LARGE2: variants seen among roughly 807,000 people sequenced by gnomAD.
LARGE2 encodes xylosyl- and glucuronyltransferase LARGE2.
A neutral mutation model predicts 75.3 loss-of-function variants in LARGE2; 63 were observed. That is an observed-to-expected ratio of 0.84 (90% CI 0.68 to 1.03). LARGE2 has a LOEUF of 1.03. LARGE2 is among the 50% of genes least tolerant of loss of function. The probability of loss-of-function intolerance (pLI) is 0.00; values close to 1 mark genes in which losing one functional copy is unlikely to be tolerated. For missense variants in LARGE2, 925 were observed against 980.6 expected, an observed-to-expected ratio of 0.94 and a Z score of 0.76; for synonymous variants, 428 against 420.1, an observed-to-expected ratio of 1.02 and a Z score of -0.23.
intron 10 of LARGE2, 126 bp downstream of exon 10, chr11:45,926,997 A>T: frequency 1.9e-6 from 2 of 1,044,066 alleles, no homozygotes; most frequent in Non-Finnish European, 2.7e-6. Context: ...GAGTTCCAGA[A>T]GTTGGAGACA....
At chr11:45,924,084 C>G (rs773144196) in intron 3 of LARGE2, 70 bp from the exon 4 acceptor site, 2 of 1,569,996 alleles carry the variant, frequency 1.3e-6, no homozygotes, top group East Asian at 4.6e-5. Context: ...CTCTGCGCCC[C>G]TCGGGGTGGG....
At position 45,927,762 on chromosome 11, in the gene LARGE2, G is replaced by A. The variant is rs781638923; in HGVS notation, c.1605-158G>A. On this transcript the variant is annotated intron_variant, in intron 11 of 13. Coordinates refer to ENST00000401752, the MANE Select transcript of LARGE2 (RefSeq NM_001300721.2). ...GGCTGTCAACAGGGAGGCCAGGGCCGGCTTCAACAGCAGCTCCACCTGTGG... is the reference window on the plus strand; with the variant it reads ...GGCTGTCAACAGGGAGGCCAGGGCCAGCTTCAACAGCAGCTCCACCTGTGG... The A allele has an allele frequency of 1.8e-5, 25 of 1,414,522 alleles. No homozygotes were observed. In the South Asian group the frequency reaches 1.9e-4, roughly 11 times the overall value. 87.6% of individuals were successfully genotyped at this position (1,414,522 alleles called of 1,614,324 possible). A position where few individuals can be genotyped will look rare whatever the true frequency, so the allele number is the denominator to read the frequency against.
intron 4 of LARGE2, 66 bp downstream of exon 4, chr11:45,924,343 G>C: frequency 6.3e-7 from 1 of 1,591,788 alleles, no homozygotes. Flanking sequence ...CCAAGACCTG[G>C]TGGGGTTGGA....
intron 9 of LARGE2, 39 bp downstream of exon 9, chr11:45,926,636 G>T: frequency 6.2e-7 from 1 of 1,613,360 alleles, no homozygotes; most frequent in Non-Finnish European, 8.5e-7. Context: ...TCTCTGCTTT[G>T]GTGGGACCCA....
chr11:45,926,176 G>A (rs1349003240), intron 7 of LARGE2, 25 bp downstream of exon 7: 8 of 1,608,464 alleles, frequency 5.0e-6, no homozygotes, highest in Non-Finnish European at 6.8e-6. Flanking sequence ...TGCCGGGTGG[G>A]GTGTGGCAGG....
Position 45,926,503 on chromosome 11 carries a change from G to C in LARGE2, c.1070G>C (p.Arg357Pro), listed in dbSNP as rs377153640. ...AAGAACAAGCATGTGGAATTCTTCC[G>C]CAATTTCTACCTGACCTTCCTGGAG... ...RVKNKHVEFF[R>P]NFYLTFLEYD... Residue 357 changes from arginine to proline, a missense_variant, in exon 9 of 14, where the codon CGC becomes CCC. Arg to Pro is a moderately radical substitution (Grantham distance 103). Around this residue, in one of 3 missense-constraint regions of LARGE2, gnomAD observed 469 missense variants for 503.8 expected, o/e 0.93. Transcript: ENST00000401752. 1.9e-6 allele frequency: 3 copies of C among 1,613,962 alleles called. No individual in the cohort carries two copies. The African/African-American group carries it at 4.0e-5, about 22-fold the overall frequency.
At chr11:45,923,291 C>T in intron 2 of LARGE2, 124 bp downstream of exon 2, 1 of 1,178,608 alleles carries the variant, frequency 8.5e-7, no homozygotes, top group Non-Finnish European at 1.2e-6. Flanking sequence ...GGCTGGGGCG[C>T]ACCTCGAACG....
intron 11 of LARGE2, 90 bp from the exon 12 acceptor site, chr11:45,927,830 C>T (rs2087268226): frequency 8.2e-6 from 13 of 1,583,928 alleles, no homozygotes; most frequent in Non-Finnish European, 1.1e-5. Context: ...CCATGGTGGT[C>T]TAGTCCTGTG....
At chr11:45,927,659 C>T (rs1044886042) in intron 11 of LARGE2, 66 bp downstream of exon 11, 2 of 1,576,384 alleles carry the variant, frequency 1.3e-6, no homozygotes, top group Admixed American at 1.7e-5. Context: ...GCGTGGGACC[C>T]CAGGCTTCCA....
In LARGE2 at chr11:45,923,504, A is replaced by G; in HGVS notation, c.317A>G (p.His106Arg). The change falls in exon 3 of 14, where the codon CAT becomes CGT. Residue 106 changes from histidine to arginine, a missense_variant. His to Arg is a conservative substitution (Grantham distance 29). Transcript: ENST00000401752. ...CATGTGGCCATCGTGTGTGCGGGGC[A>G]TAACTCCAGCCGAGACGTCATCACC... ...LLHVAIVCAG[H>R]NSSRDVITLV... 2 of 1,613,960 alleles carry G rather than the reference A, an allele frequency of 1.2e-6. No homozygotes were observed. The highest frequency in any genetic ancestry group is 1.7e-6 in the Non-Finnish European group (2 of 1,180,004).
chr11:45,928,781 A>T lies in LARGE2; in HGVS notation c.2102A>T (p.His701Leu). The T allele has an allele frequency of 6.2e-7, 1 of 1,613,896 alleles. No individual in the cohort carries two copies. Among genetic ancestry groups the T allele is most frequent in the Non-Finnish European group, 8.5e-7 (1 of 1,180,022 alleles). Reference sequence around the variant, plus strand: ...TTCCACCAGGACTTGTCCCGCCACCATGGGGCTGCTGCCCTCAAATACCTC... The same window carrying T: ...TTCCACCAGGACTTGTCCCGCCACCTTGGGGCTGCTGCCCTCAAATACCTC... Reference protein sequence around the residue: ...DEFHQDLSRHHGAAALKYLPA... With the variant: ...DEFHQDLSRHLGAAALKYLPA... The change falls in exon 14 of 14, where the codon CAT (histidine) becomes CTT (leucine). Residue 701 changes from histidine (H) to leucine (L), a missense_variant. His to Leu is a moderately conservative substitution (Grantham distance 99). Coordinates refer to ENST00000401752, the MANE Select transcript of LARGE2 (RefSeq NM_001300721.2).
intron 11 of LARGE2, 154 bp from the exon 12 acceptor site, chr11:45,927,766 T>C: frequency 7.0e-7 from 1 of 1,428,634 alleles, no homozygotes. Context: ...AGGGCCGGCT[T>C]CAACAGCAGC....
intron 6 of LARGE2, 35 bp downstream of exon 6, chr11:45,924,924 G>C: frequency 7.4e-7 from 1 of 1,350,598 alleles, no homozygotes; most frequent in Non-Finnish European, 9.9e-7. Flanking sequence ...AGGCGGGGTG[G>C]TCTGCTGGTC....
chr11:45,926,937 G>T (rs1260747259), intron 10 of LARGE2, 66 bp downstream of exon 10: 4 of 1,477,812 alleles, frequency 2.7e-6, no homozygotes, highest in Non-Finnish European at 3.6e-6. Flanking sequence ...CTGAGAGGAG[G>T]TTCCATCTGG....
At chr11:45,924,052 T>G in intron 3 of LARGE2, 102 bp from the exon 4 acceptor site, 1 of 1,045,236 alleles carries the variant, frequency 9.6e-7, no homozygotes, top group East Asian at 3.3e-5. Context: ...GTGGAAAAGC[T>G]CTTTGCAGAT....
In LARGE2 at chr11:45,924,153, G is replaced by T. The variant is rs901835694; in HGVS notation, c.369-1G>T. On this transcript the variant is annotated splice_acceptor_variant, in intron 3 of 13. Coordinates refer to ENST00000401752, the MANE Select transcript of LARGE2 (RefSeq NM_001300721.2). LOFTEE classifies it high-confidence loss of function. ...AGGCTTCCTCTTTGCCCACCCAAAA[G>T]GAAAAATCCACTGCACCTCCACTTG... 3.1e-6 allele frequency: 5 copies of T among 1,610,132 alleles called. No homozygotes were observed. The South Asian group carries it at 5.5e-5, about 18-fold the overall frequency.
rs1452484916 is a variant in LARGE2, at chr11:45,928,333, C to T, written c.1911C>T (p.Gly637=). 1.9e-6 allele frequency: 3 copies of T among 1,614,178 alleles called. No homozygotes were observed. The highest frequency in any genetic ancestry group is 2.5e-6 in the Non-Finnish European group (3 of 1,180,038). ...PRYDPRFVGF[G]WNKVAHIVEL... Reference sequence around the variant, plus strand: ...ATGATCCTCGCTTTGTGGGCTTCGGCTGGAACAAAGTGGCCCACATTGTGG... The same window carrying T: ...ATGATCCTCGCTTTGTGGGCTTCGGTTGGAACAAAGTGGCCCACATTGTGG... Residue 637 remains glycine (G), a synonymous_variant, in exon 13 of 14, where the codon GGC becomes GGT. Coordinates refer to ENST00000401752, the MANE Select transcript of LARGE2 (RefSeq NM_001300721.2).
chr11:45,928,344 T>C lies in LARGE2; in HGVS notation c.1922T>C (p.Val641Ala), dbSNP rs745440940. Residue 641 changes from valine to alanine, a missense_variant, in exon 13 of 14, where the codon GTG (valine) becomes GCG (alanine). By Grantham distance (64) the Val-to-Ala change is moderately conservative (BLOSUM62 0). Transcript: ENST00000401752. Reference sequence around the variant, plus strand: ...TTTGTGGGCTTCGGCTGGAACAAAGTGGCCCACATTGTGGAGCTGGATGCC... The same window carrying C: ...TTTGTGGGCTTCGGCTGGAACAAAGCGGCCCACATTGTGGAGCTGGATGCC... The part of the protein sequence containing the change: ...PRFVGFGWNK[V>A]AHIVELDAQE... The C allele has an allele frequency of 2.3e-5, 37 of 1,613,914 alleles. No homozygotes were observed. The highest frequency in any genetic ancestry group is 2.9e-5 in the Non-Finnish European group (34 of 1,179,966).
chr11:45,924,397 C>T, intron 4 of LARGE2, 109 bp from the exon 5 acceptor site: 1 of 1,562,516 alleles, frequency 6.4e-7, no homozygotes, highest in Non-Finnish European at 8.6e-7. Context: ...AAGCGCAAAC[C>T]CCTCTCTTTT....
Sources: allele counts gnomAD v4.1 joint callset, GRCh38; gene constraint gnomAD v4.1.1; regional missense constraint gnomAD v4.1.1; transcripts MANE v1.5; gene names NCBI Gene and HGNC (gene_info 2026-07-23, HGNC 2026-07-21).